The following RIPOR2 variants were observed in gnomAD, a reference collection of about 807,000 sequenced individuals.
The protein encoded by RIPOR2 is RHO family interacting cell polarization regulator 2.
Under a neutral mutation model 114.5 loss-of-function variants are expected in RIPOR2, and 39 were observed. The ratio of observed to expected loss-of-function variants is 0.34; its 90% CI spans 0.26 to 0.44. The LOEUF (loss-of-function observed/expected upper bound fraction) is 0.44. Among genes scored for constraint, RIPOR2 ranks in the 20% least tolerant of loss-of-function variants. RIPOR2 has a pLI of 1.00. For synonymous variants in RIPOR2, 445 were observed against 484.4 expected, an observed-to-expected ratio of 0.92 and a Z score of 1.07; for missense variants, 1,007 against 1,255.1, an observed-to-expected ratio of 0.80 and a Z score of 2.99.
intron 1 of RIPOR2, among the ~76,000 whole-genome samples, chr6:24,991,619 CA>C (rs1449499963): frequency 1.3e-5 from 2 of 152,156 alleles, no homozygotes; most frequent in African/African-American, 2.4e-5. Flanking sequence ...AATTCACAAC[CA>C]AACCTCACTG....
rs182837655 is a variant in RIPOR2 at position 24,837,523 on chromosome 6, C to T, written c.2039+1568G>A. ...ATCCTGGGTTCAAGCAATCCTCCCA[C>T]CTCAGCCTCCCGCATAGCTGGGACT... On this transcript the variant is annotated intron_variant, in intron 14 of 21. Transcript: ENST00000643898. 2.3e-3 allele frequency among the ~76,000 whole-genome samples: 353 copies of T among 152,314 alleles called. 2 individuals are homozygous for T. Among genetic ancestry groups the T allele is most frequent in the Admixed American group, 6.1e-3 (94 of 15,298 alleles).
At chr6:24,932,259 A>G (rs1200764838) in intron 1 of RIPOR2, among the ~76,000 whole-genome samples, 4 of 152,088 alleles carry the variant, frequency 2.6e-5, no homozygotes, top group African/African-American at 9.7e-5. Flanking sequence ...AGCCTACTTG[A>G]GAGTAACCAT....
intron 1 of RIPOR2, among the ~76,000 whole-genome samples, chr6:24,921,028 G>A (rs1450744683): frequency 6.6e-6 from 1 of 152,130 alleles, no homozygotes; most frequent in Non-Finnish European, 1.5e-5. Context: ...CCTTTTGTAA[G>A]GTAAATCAGA....
At chr6:24,896,796 G>A (rs1581739371) in intron 1 of RIPOR2, among the ~76,000 whole-genome samples, 2 of 152,178 alleles carry the variant, frequency 1.3e-5, no homozygotes, top group Middle Eastern at 3.4e-3. Context: ...CCAGCTACTC[G>A]GGAGGCTGAG....
At chr6:24,830,992 A>T (rs1006456049) in intron 16 of RIPOR2, among the ~76,000 whole-genome samples, 1 of 152,076 alleles carries the variant, frequency 6.6e-6, no homozygotes, top group Non-Finnish European at 1.5e-5. Flanking sequence ...CTGGGATTAT[A>T]AGCGTGAGCC....
At chr6:25,000,946 G>A (rs187281382) in intron 1 of RIPOR2, among the ~76,000 whole-genome samples, 2 of 152,300 alleles carry the variant, frequency 1.3e-5, no homozygotes, top group East Asian at 3.9e-4. Flanking sequence ...CCACTTAAAT[G>A]GAGGAGGGCC....
In RIPOR2 at chr6:24,901,852, G is replaced by A. The variant is rs576435060; in HGVS notation, c.62-26035C>T. On this transcript the variant is annotated intron_variant, in intron 1 of 21. Coordinates refer to ENST00000643898, the MANE Select transcript of RIPOR2 (RefSeq NM_001286445.3). ...TGCTAACCAGCTAATCCATTCGTTT[G>A]GTTTCCTAATTTGTGAAATTAGAGA... 2.3e-3 allele frequency among the ~76,000 whole-genome samples: 350 copies of A among 152,244 alleles called. 1 individual carries two copies. The highest frequency in any genetic ancestry group is 3.9e-3 in the Non-Finnish European group (268 of 68,024).
chr6:24,860,460 G>T (rs1230729247), intron 8 of RIPOR2, among the ~76,000 whole-genome samples: 3 of 152,130 alleles, frequency 2.0e-5, no homozygotes, highest in Non-Finnish European at 4.4e-5. Context: ...TGAGACAACG[G>T]GGGAAATCTG....
intron 1 of RIPOR2, among the ~76,000 whole-genome samples, chr6:24,877,958 T>A (rs1205683483): frequency 6.6e-6 from 1 of 152,142 alleles, no homozygotes; most frequent in Non-Finnish European, 1.5e-5. Flanking sequence ...TCAGAGCAGG[T>A]GACCAGGGGT....
At chr6:24,977,506 C>T (rs1012087515) in intron 1 of RIPOR2, among the ~76,000 whole-genome samples, 4 of 152,076 alleles carry the variant, frequency 2.6e-5, no homozygotes, top group Non-Finnish European at 4.4e-5. Context: ...TAACAGGAAA[C>T]GGAGACCAAA....
chr6:24,943,937 G>C (rs1044445229), intron 1 of RIPOR2, among the ~76,000 whole-genome samples: 1 of 152,124 alleles, frequency 6.6e-6, no homozygotes, highest in Non-Finnish European at 1.5e-5. Flanking sequence ...TTCCTTGGGG[G>C]TGTTTGTTGA....
chr6:24,939,092 C>T (rs1351269397), upstream of RIPOR2, among the ~76,000 whole-genome samples: 1 of 151,962 alleles, frequency 6.6e-6, no homozygotes, highest in Non-Finnish European at 1.5e-5. Flanking sequence ...CTATATCAAC[C>T]CTAAGATATA....
chr6:24,808,363 A>T (rs1780914005), intron 21 of RIPOR2, among the ~76,000 whole-genome samples: 1 of 152,244 alleles, frequency 6.6e-6, no homozygotes, highest in Admixed American at 6.5e-5. Flanking sequence ...ATGAAGGGAT[A>T]AAGGAGTTTA....
chr6:25,031,614 C>T (rs1374681279), intron 1 of RIPOR2, among the ~76,000 whole-genome samples: 1 of 142,968 alleles, frequency 7.0e-6, no homozygotes, highest in Non-Finnish European at 1.5e-5. Context: ...CAGATGTCTG[C>T]AATTTATTTT....
intron 6 of RIPOR2, among the ~76,000 whole-genome samples, chr6:24,867,274 T>C (rs1764699946): frequency 6.6e-6 from 1 of 152,232 alleles, no homozygotes; most frequent in South Asian, 2.1e-4. Flanking sequence ...TGGTTGATGG[T>C]TGGCATAGAG....
chr6:24,828,955 C>T (rs982410820), intron 17 of RIPOR2, among the ~76,000 whole-genome samples: 1 of 152,102 alleles, frequency 6.6e-6, no homozygotes, highest in Middle Eastern at 3.2e-3. Context: ...TCCTTTTACA[C>T]AACAAAGTAT....
intron 1 of RIPOR2, among the ~76,000 whole-genome samples, chr6:25,003,003 T>G (rs1031931570): frequency 5.3e-5 from 8 of 152,254 alleles, no homozygotes; most frequent in African/African-American, 1.9e-4. Context: ...TTTCTGCAGT[T>G]AAAACATGGA....
chr6:24,931,558 A>C (rs755192649), intron 1 of RIPOR2, among the ~76,000 whole-genome samples: 1 of 152,212 alleles, frequency 6.6e-6, no homozygotes. Flanking sequence ...ACTTTCTCAG[A>C]CACAGTTATC....
At chr6:24,957,507 T>A (rs914141147) in intron 1 of RIPOR2, among the ~76,000 whole-genome samples, 8 of 152,152 alleles carry the variant, frequency 5.3e-5, no homozygotes, top group Admixed American at 4.6e-4. Flanking sequence ...GGGCTCTTAG[T>A]AAGGGCATTT....
Sources: gnomAD v4.1 joint callset for allele counts (sites outside exome capture counted in the v4.1 genomes callset) on GRCh38, gnomAD v4.1.1 for gene constraint, MANE v1.5 for transcripts, NCBI Gene and HGNC (gene_info 2026-07-23, HGNC 2026-07-21) for gene names.